Variants in CNTLN observed in about 807,000 individuals in gnomAD.
CNTLN encodes the protein centlein.
In CNTLN, 212 loss-of-function variants were observed where a neutral mutation model predicts 180.0. That is an observed-to-expected ratio of 1.18 (90% CI 1.05 to 1.32). The LOEUF is 1.32. Among genes scored for constraint, CNTLN ranks in the 40% most tolerant of loss-of-function variants. CNTLN has a pLI of 0.00. For missense variants in CNTLN, 2,095 were observed against 1,610.9 expected (o/e 1.30, Z -5.14); for synonymous variants, 722 against 563.1 (o/e 1.28, Z -3.99).
chr9:17,380,479 G>C (rs932950934), intron 13 of CNTLN, among the ~76,000 whole-genome samples: 1 of 152,176 alleles, frequency 6.6e-6, no homozygotes, highest in African/African-American at 2.4e-5. Flanking sequence ...TAGTGTCCTT[G>C]ACCAGGACCT....
At chr9:17,500,007 T>C (rs1348479698) in intron 25 of CNTLN, among the ~76,000 whole-genome samples, 1 of 152,152 alleles carries the variant, frequency 6.6e-6, no homozygotes, top group Non-Finnish European at 1.5e-5. Flanking sequence ...TGTCTAAAGT[T>C]ATGTAATGAC....
intron 2 of CNTLN, among the ~76,000 whole-genome samples, chr9:17,157,109 C>T (rs904883831): frequency 2.0e-5 from 3 of 152,100 alleles, no homozygotes; most frequent in Admixed American, 1.3e-4. Flanking sequence ...ACATTGGGGT[C>T]TTGGTTGAGT....
intron 6 of CNTLN, among the ~76,000 whole-genome samples, chr9:17,284,182 C>G (rs1046922571): frequency 6.6e-6 from 1 of 151,968 alleles, no homozygotes; most frequent in African/African-American, 2.4e-5. Context: ...CAGTATGCCT[C>G]GCTAATTTTT....
intron 1 of CNTLN, among the ~76,000 whole-genome samples, chr9:17,138,563 T>A (rs1364257917): frequency 6.6e-6 from 1 of 152,224 alleles, no homozygotes; most frequent in Non-Finnish European, 1.5e-5. Context: ...GAGAACTTAC[T>A]GTGTAATTCC....
At chr9:17,506,848 T>G (rs1244292280), downstream of CNTLN, among the ~76,000 whole-genome samples, 1 of 152,152 alleles carries the variant, frequency 6.6e-6, no homozygotes, top group Non-Finnish European at 1.5e-5. Flanking sequence ...TAAAAAATTT[T>G]TAATTGATAC....
the CNTLN span, among the ~76,000 whole-genome samples, chr9:17,510,886 T>C: frequency 1.3e-5 from 2 of 152,180 alleles, no homozygotes; most frequent in Non-Finnish European, 2.9e-5. Context: ...TCTAGAGGAA[T>C]TACCCACAAA....
chr9:17,323,286 G>A (rs1820046078), intron 8 of CNTLN, among the ~76,000 whole-genome samples: 1 of 152,126 alleles, frequency 6.6e-6, no homozygotes, highest in Non-Finnish European at 1.5e-5. Context: ...TTGGAATACA[G>A]CCTACTGCGC....
chr9:17,486,891 A>T, intron 24 of CNTLN, 98 bp from the exon 25 acceptor site: 1 of 619,916 alleles, frequency 1.6e-6, no homozygotes. Flanking sequence ...GTTGAATCTA[A>T]TTCTACTGAT....
At chr9:17,519,244 G>GT in the CNTLN span, among the ~76,000 whole-genome samples, 2,609 of 143,492 alleles carry the variant, frequency 0.018, 81 homozygotes, top group African/African-American at 0.061. Flanking sequence ...AGATTTGAGT[G>GT]TTTTTTTTTT....
At chr9:17,399,009 G>A (rs753261353) in intron 15 of CNTLN, among the ~76,000 whole-genome samples, 1 of 152,190 alleles carries the variant, frequency 6.6e-6, no homozygotes, top group African/African-American at 2.4e-5. Context: ...AGGAAGCTAC[G>A]TTAACACATT....
rs1241416126 is a variant in CNTLN, at chr9:17,162,350, A to T, written c.449+18974A>T. Reference sequence around the variant, plus strand: ...AGGGTGGTCTCCATCTCCTGACCTCATGATCTGCCCGCCTCGGCCTCCCAA... The same window carrying T: ...AGGGTGGTCTCCATCTCCTGACCTCTTGATCTGCCCGCCTCGGCCTCCCAA... On this transcript the variant is annotated intron_variant, in intron 2 of 25. Coordinates refer to ENST00000380647, the MANE Select transcript of CNTLN (RefSeq NM_017738.4). Among the ~76,000 whole-genome samples the T allele has an allele frequency of 2.6e-5, 4 of 152,156 alleles. No individual in the cohort carries two copies. In the East Asian group the frequency reaches 7.8e-4, roughly 30 times the overall value.
chr9:17,202,320 G>A (rs1305978550), intron 2 of CNTLN, among the ~76,000 whole-genome samples: 1 of 152,134 alleles, frequency 6.6e-6, no homozygotes, highest in Non-Finnish European at 1.5e-5. Context: ...GTTGATTTGG[G>A]GTGGAGGGTT....
In CNTLN at chr9:17,335,142, A is replaced by G. The variant is rs528542003; in HGVS notation, c.1644+2412A>G. Among the ~76,000 whole-genome samples the G allele has an allele frequency of 3.1e-4, 47 of 152,324 alleles. No individual in the cohort carries two copies. In the East Asian group the frequency reaches 6.8e-3, roughly 22 times the overall value. ...TCTATTGAGGTTTTCAACAGATTAA[A>G]TGACATCCATCCATATTGGGGTTCA... On this transcript the variant is annotated intron_variant, in intron 10 of 25. Coordinates refer to ENST00000380647, the MANE Select transcript of CNTLN (RefSeq NM_017738.4).
intron 23 of CNTLN, among the ~76,000 whole-genome samples, chr9:17,477,725 G>T (rs770651086): frequency 6.6e-6 from 1 of 152,234 alleles, no homozygotes; most frequent in African/African-American, 2.4e-5. Flanking sequence ...TCTTAGGGAC[G>T]AGTAGAGAAA....
chr9:17,236,594 C>T lies in CNTLN; in HGVS notation c.849+6C>T. The stretch of plus-strand genomic sequence containing the variant: ...GCACTGATGCAAAAATAAAGGTATA[C>T]AATAGGAATGGAATCCATACTCCTC... On this transcript the variant is annotated splice_donor_region_variant and intron_variant, in intron 5 of 25. Coordinates refer to ENST00000380647, the MANE Select transcript of CNTLN (RefSeq NM_017738.4). 6.3e-7 allele frequency: 1 copy of T among 1,595,498 alleles called. No individual in the cohort carries two copies. The highest frequency in any genetic ancestry group is 8.5e-7 in the Non-Finnish European group (1 of 1,172,696).
rs753033930 is a variant in CNTLN, at chr9:17,466,941, G to A, written c.3855+50G>A. The A allele has an allele frequency of 1.7e-5, 23 of 1,320,188 alleles. No individual in the cohort carries two copies. In the Admixed American group the frequency reaches 4.2e-4, roughly 24 times the overall value. 81.8% of individuals were successfully genotyped at this position (1,320,188 alleles called of 1,614,324 possible). A position where few individuals can be genotyped will look rare whatever the true frequency, so the allele number is the denominator to read the frequency against. ...ACTTGTACTTTACTTTAGGCAGATAGGCAGTAGCCTACTTGAGATGATTTG... is the reference window on the plus strand; with the variant it reads ...ACTTGTACTTTACTTTAGGCAGATAAGCAGTAGCCTACTTGAGATGATTTG... On this transcript the variant is annotated intron_variant, in intron 23 of 25. Transcript: ENST00000380647.
At chr9:17,238,278 G>A (rs2132170305) in intron 5 of CNTLN, among the ~76,000 whole-genome samples, 1 of 152,188 alleles carries the variant, frequency 6.6e-6, no homozygotes, top group African/African-American at 2.4e-5. Context: ...CTTCTCAAAT[G>A]TTTAAAGGTT....
chr9:17,338,624 CTT>C (rs1038414533), intron 10 of CNTLN, among the ~76,000 whole-genome samples: 14 of 151,888 alleles, frequency 9.2e-5, no homozygotes, highest in Non-Finnish European at 1.8e-4. Flanking sequence ...TTTTTAATCT[CTT>C]GTTTTGCTAA....
chr9:17,333,900 C>T (rs1820808811), intron 10 of CNTLN, among the ~76,000 whole-genome samples: 1 of 152,182 alleles, frequency 6.6e-6, no homozygotes, highest in Non-Finnish European at 1.5e-5. Flanking sequence ...ACTTGTCTAA[C>T]AGGAGACTGT....
Sources: gnomAD v4.1 joint callset for allele counts (sites outside exome capture counted in the v4.1 genomes callset) on GRCh38, gnomAD v4.1.1 for gene constraint, MANE v1.5 for transcripts, NCBI Gene and HGNC (gene_info 2026-07-23, HGNC 2026-07-21) for gene names.